Variants in VTI1A observed in about 807,000 individuals in gnomAD.
VTI1A encodes vesicle transport through interaction with t-SNAREs 1A, also known as vesicle transport through interaction with t-SNAREs homolog 1A.
A neutral mutation model predicts 34.9 loss-of-function variants in VTI1A; 22 were observed. The ratio of observed to expected loss-of-function variants is 0.63; its 90% CI spans 0.45 to 0.90. The LOEUF (loss-of-function observed/expected upper bound fraction) is 0.90, where lower values mean the gene tolerates loss of function less well. Ranked by LOEUF, VTI1A falls within the 40% of genes least tolerant of loss-of-function variation. VTI1A has a pLI of 0.00. For missense variants in VTI1A, 268 were observed against 275.6 expected (o/e 0.97, Z 0.20); for synonymous variants, 87 against 97.3 (o/e 0.89, Z 0.62).
At chr10:112,562,065 C>G (rs1304165214) in intron 5 of VTI1A, among the ~76,000 whole-genome samples, 1 of 152,080 alleles carries the variant, frequency 6.6e-6, no homozygotes, top group African/African-American at 2.4e-5. Context: ...GATGAACTTT[C>G]CTTCAGAAAA....
intron 7 of VTI1A, among the ~76,000 whole-genome samples, chr10:112,735,163 C>T (rs1850408440): frequency 6.6e-6 from 1 of 152,066 alleles, no homozygotes; most frequent in Non-Finnish European, 1.5e-5. Flanking sequence ...TGATTATGTT[C>T]TTCATTACAA....
At chr10:112,554,753 A>G (rs1211345484) in intron 5 of VTI1A, among the ~76,000 whole-genome samples, 3 of 152,018 alleles carry the variant, frequency 2.0e-5, no homozygotes, top group African/African-American at 7.2e-5. Flanking sequence ...GGTACTAGTA[A>G]ATGCTCTAAG....
chr10:112,546,598 CA>C (rs1025304912), intron 5 of VTI1A, among the ~76,000 whole-genome samples: 1 of 151,668 alleles, frequency 6.6e-6, no homozygotes, highest in Non-Finnish European at 1.5e-5. Flanking sequence ...TCCAGTAACC[CA>C]AAAAGGGACT....
chr10:112,715,482 G>A (rs565531893), intron 7 of VTI1A, among the ~76,000 whole-genome samples: 12 of 152,268 alleles, frequency 7.9e-5, no homozygotes, highest in African/African-American at 2.6e-4. Flanking sequence ...GTTTATTCTG[G>A]AAGCTTCTTA....
intron 3 of VTI1A, among the ~76,000 whole-genome samples, chr10:112,466,132 T>C (rs958004976): frequency 6.6e-6 from 1 of 152,200 alleles, no homozygotes; most frequent in Non-Finnish European, 1.5e-5. Context: ...TATTTCTGAA[T>C]CTGGGGCCCA....
chr10:112,633,372 T>C (rs2134630979), intron 5 of VTI1A, among the ~76,000 whole-genome samples: 1 of 152,322 alleles, frequency 6.6e-6, no homozygotes, highest in South Asian at 2.1e-4. Flanking sequence ...ACCAGAAGCC[T>C]GTGAGGAAAC....
intron 3 of VTI1A, among the ~76,000 whole-genome samples, chr10:112,512,000 T>A (rs181293924): frequency 2.6e-5 from 4 of 152,326 alleles, no homozygotes; most frequent in African/African-American, 9.6e-5. Context: ...ATATCTTTGC[T>A]TGTGAGTAGT....
chr10:112,834,340 T>A, the VTI1A span, among the ~76,000 whole-genome samples: 1 of 152,110 alleles, frequency 6.6e-6, no homozygotes, highest in Non-Finnish European at 1.5e-5. Context: ...GGAATACGGA[T>A]GGGAATAAGC....
chr10:112,677,200 G>A (rs1311688516), intron 7 of VTI1A, among the ~76,000 whole-genome samples: 1 of 152,114 alleles, frequency 6.6e-6, no homozygotes, highest in Non-Finnish European at 1.5e-5. Flanking sequence ...TTCCGAAAGG[G>A]TAATGGATAC....
At chr10:112,686,312 G>A (rs1023881140) in intron 7 of VTI1A, among the ~76,000 whole-genome samples, 2 of 152,114 alleles carry the variant, frequency 1.3e-5, no homozygotes, top group Non-Finnish European at 2.9e-5. Context: ...AGTTTTGGTG[G>A]TGTAAATTTT....
At chr10:112,647,811 C>T (rs1331933007) in intron 5 of VTI1A, among the ~76,000 whole-genome samples, 1 of 152,120 alleles carries the variant, frequency 6.6e-6, no homozygotes, top group Non-Finnish European at 1.5e-5. Context: ...CTCCTGTTGT[C>T]CAGGCTGGAG....
intron 7 of VTI1A, among the ~76,000 whole-genome samples, chr10:112,681,870 G>C (rs1412097994): frequency 6.6e-6 from 1 of 152,062 alleles, no homozygotes; most frequent in Non-Finnish European, 1.5e-5. Context: ...TTTTATTGTG[G>C]CATATTATTA....
downstream of VTI1A, among the ~76,000 whole-genome samples, chr10:112,820,386 C>G (rs754363740): frequency 6.6e-6 from 1 of 152,232 alleles, no homozygotes; most frequent in Non-Finnish European, 1.5e-5. Context: ...CAACCTCACC[C>G]TATGCAGTAA....
intron 7 of VTI1A, among the ~76,000 whole-genome samples, chr10:112,678,870 C>T (rs1438240818): frequency 1.3e-5 from 2 of 152,196 alleles, no homozygotes; most frequent in African/African-American, 4.8e-5. Flanking sequence ...ATATACATCA[C>T]AAACGCAGGA....
intron 5 of VTI1A, among the ~76,000 whole-genome samples, chr10:112,663,839 G>A (rs985673103): frequency 3.3e-5 from 5 of 152,112 alleles, no homozygotes; most frequent in Non-Finnish European, 5.9e-5. Context: ...CCAAAATTCA[G>A]TGCTCCAAAT....
At chr10:112,476,399 A>G (rs983663557) in intron 3 of VTI1A, among the ~76,000 whole-genome samples, 1 of 152,152 alleles carries the variant, frequency 6.6e-6, no homozygotes, top group Non-Finnish European at 1.5e-5. Flanking sequence ...CTCATTTTTC[A>G]TGTATGGTAT....
intron 7 of VTI1A, among the ~76,000 whole-genome samples, chr10:112,755,480 A>G (rs936138913): frequency 1.3e-5 from 2 of 152,164 alleles, no homozygotes; most frequent in African/African-American, 4.8e-5. Flanking sequence ...AGTGCTTGGT[A>G]TCCAGGTCCT....
At chr10:112,637,177 G>A (rs1846387485) in intron 5 of VTI1A, among the ~76,000 whole-genome samples, 3 of 152,144 alleles carry the variant, frequency 2.0e-5, no homozygotes, top group South Asian at 2.1e-4. Flanking sequence ...TTGGAGACTC[G>A]TGAGATTTTA....
chr10:112,725,449 A>G (rs1226036978), intron 7 of VTI1A, among the ~76,000 whole-genome samples: 1 of 152,238 alleles, frequency 6.6e-6, no homozygotes, highest in African/African-American at 2.4e-5. Context: ...ATCTGTTTGC[A>G]TTACATTTAT....
Sources: gnomAD v4.1 joint callset for allele counts (sites outside exome capture counted in the v4.1 genomes callset) on GRCh38, gnomAD v4.1.1 for gene constraint, MANE v1.5 for transcripts, NCBI Gene and HGNC (gene_info 2026-07-23, HGNC 2026-07-21) for gene names.